Variants in NEBL observed in about 807,000 individuals in gnomAD.
The protein encoded by NEBL is LIM and SH3 protein 2.
A neutral mutation model predicts 140.2 loss-of-function variants in NEBL; 122 were observed. That is an observed-to-expected ratio of 0.87 (90% CI 0.75 to 1.01). The LOEUF is 1.01. NEBL is among the 50% of genes least tolerant of loss of function. The pLI, the probability that NEBL is intolerant of heterozygous loss-of-function variation, is 0.00. For missense variants in NEBL, 1,365 were observed against 1,231.3 expected (o/e 1.11, Z -1.62); for synonymous variants, 436 against 398.9 (o/e 1.09, Z -1.11).
At position 21,203,758 on chromosome 10, in the gene NEBL, G is replaced by A. The variant is rs143288454; in HGVS notation, n.349-31281C>T. Among the ~76,000 whole-genome samples, 699 of 152,208 alleles carry A rather than the reference G, an allele frequency of 4.6e-3. 4 individuals carry two copies. The highest frequency in any genetic ancestry group is 0.016 in the African/African-American group (648 of 41,530). On this transcript the variant is annotated intron_variant and non_coding_transcript_variant, in intron 3 of 8. Transcript: ENST00000675702. ...TTGTTCTTTTGGACTGCACAGTATC[G>A]AAAGCTCCTTCCTGCATTTGACGAC...
rs141585606 is a variant in NEBL, at chr10:21,070,224, G to C, written c.165-50023C>G. ...CTAGGATTGTTAATGCCCTTGAGTC[G>C]TCAGGACCTCAGTTTTGTGTCTGCT... On this transcript the variant is annotated intron_variant, in intron 2 of 6. Transcript: ENST00000417816. 2.0e-5 allele frequency among the ~76,000 whole-genome samples: 3 copies of C among 152,122 alleles called. No individual in the cohort carries two copies. In the East Asian group the frequency reaches 5.8e-4, roughly 29 times the overall value.
At chr10:20,867,323 CTTATT>C (rs1174387061) in intron 7 of NEBL, among the ~76,000 whole-genome samples, 1 of 152,056 alleles carries the variant, frequency 6.6e-6, no homozygotes, top group Non-Finnish European at 1.5e-5. Flanking sequence ...TTGTTCGGGA[CTTATT>C]TTATGCTCTT....
intron 3 of NEBL, among the ~76,000 whole-genome samples, chr10:21,186,257 AACACAC>A (rs765894739): frequency 0.021 from 2,644 of 124,804 alleles, 32 homozygotes; most frequent in African/African-American, 0.034. Flanking sequence ...TATATATACA[AACACAC>A]ACACACACAC....
At chr10:20,923,176 T>C (rs1833677133) in intron 4 of NEBL, among the ~76,000 whole-genome samples, 1 of 151,966 alleles carries the variant, frequency 6.6e-6, no homozygotes, top group African/African-American at 2.4e-5. Context: ...CAATCGATCC[T>C]CCAGCCTCAG....
chr10:20,837,452 C>T (rs1055924228), intron 13 of NEBL, among the ~76,000 whole-genome samples: 2 of 151,306 alleles, frequency 1.3e-5, no homozygotes, highest in African/African-American at 4.9e-5. Context: ...AGAAGCTGCA[C>T]AAGAAAAGTT....
At chr10:20,815,324 G>C (rs933471835) in intron 22 of NEBL, among the ~76,000 whole-genome samples, 1 of 152,098 alleles carries the variant, frequency 6.6e-6, no homozygotes, top group Non-Finnish European at 1.5e-5. Context: ...CACATCAAAG[G>C]CTTTACCACC....
At chr10:21,018,753 G>A (rs1034220688) in intron 3 of NEBL, among the ~76,000 whole-genome samples, 5 of 152,138 alleles carry the variant, frequency 3.3e-5, no homozygotes, top group African/African-American at 7.2e-5. Context: ...GCTTCAGGCC[G>A]GGCGCAGTGG....
At chr10:20,944,356 C>T (rs865776668) in intron 4 of NEBL, among the ~76,000 whole-genome samples, 2 of 152,024 alleles carry the variant, frequency 1.3e-5, no homozygotes, top group African/African-American at 2.4e-5. Flanking sequence ...GCCAAGATCA[C>T]GTGACTGCAC....
At chr10:20,968,591 T>C (rs924266934) in intron 3 of NEBL, among the ~76,000 whole-genome samples, 4 of 152,196 alleles carry the variant, frequency 2.6e-5, no homozygotes, top group Admixed American at 6.5e-5. Context: ...TGTATCACGA[T>C]AGACAAGTGC....
At chr10:21,221,831 C>G (rs1385063267) in intron 3 of NEBL, among the ~76,000 whole-genome samples, 1 of 152,032 alleles carries the variant, frequency 6.6e-6, no homozygotes, top group Non-Finnish European at 1.5e-5. Context: ...CAAGTTACAT[C>G]AGGGAAATTA....
intron 2 of NEBL, among the ~76,000 whole-genome samples, chr10:21,024,756 G>A (rs1589147225): frequency 2.6e-5 from 4 of 151,862 alleles, no homozygotes; most frequent in African/African-American, 9.7e-5. Context: ...AATCTAATCC[G>A]ACAACATTCT....
intron 27 of NEBL, 48 bp from the exon 28 acceptor site, chr10:20,785,971 G>C: frequency 1.9e-6 from 3 of 1,570,768 alleles, no homozygotes; most frequent in Non-Finnish European, 2.6e-6. Context: ...AATAGCTACA[G>C]CCACAAATTC....
chr10:21,001,193 C>G (rs10828171), intron 3 of NEBL, among the ~76,000 whole-genome samples: 8,471 of 152,162 alleles, frequency 0.056, 787 homozygotes, highest in East Asian at 0.41. Flanking sequence ...TCCAGCCAGC[C>G]GACAGACCGC....
chr10:20,973,083 AC>A (rs1206341673), intron 3 of NEBL, among the ~76,000 whole-genome samples: 2 of 152,176 alleles, frequency 1.3e-5, no homozygotes, highest in Non-Finnish European at 2.9e-5. Context: ...CACATTAATT[AC>A]AGTGTCAGTT....
intron 4 of NEBL, among the ~76,000 whole-genome samples, chr10:20,946,840 G>A (rs889326122): frequency 2.0e-5 from 3 of 152,192 alleles, no homozygotes; most frequent in Admixed American, 1.3e-4. Context: ...AATCCTGGCA[G>A]CATTTAACAA....
intron 4 of NEBL, among the ~76,000 whole-genome samples, chr10:20,884,087 A>G (rs1433682238): frequency 6.6e-6 from 1 of 152,204 alleles, no homozygotes; most frequent in African/African-American, 2.4e-5. Flanking sequence ...ACCTGGAGAC[A>G]GGAGTCCACT....
chr10:20,942,002 G>A (rs1340526973), intron 4 of NEBL, among the ~76,000 whole-genome samples: 1 of 152,114 alleles, frequency 6.6e-6, no homozygotes, highest in African/African-American at 2.4e-5. Context: ...TTGTGAAAAT[G>A]GCCACACTGC....
rs773297025 is a variant in NEBL, at chr10:20,897,215, T to C, written c.-10A>G. 6.4e-7 allele frequency: 1 copy of C among 1,551,782 alleles called. No individual in the cohort carries two copies. Among genetic ancestry groups the C allele is most frequent in the Non-Finnish European group, 8.7e-7 (1 of 1,147,112 alleles). On this transcript the variant is annotated 5_prime_UTR_variant, in exon 1 of 28. Coordinates refer to ENST00000377122, the MANE Select transcript of NEBL (RefSeq NM_006393.3). ...ATACAGGGACCCTCATTTTTACCCT[T>C]TAAAATATTTATATTTTTAAAATTT...
chr10:20,800,853 C>T (rs1464136957), intron 26 of NEBL, among the ~76,000 whole-genome samples: 3 of 152,220 alleles, frequency 2.0e-5, no homozygotes, highest in South Asian at 2.1e-4. Context: ...CTTAGAAAAG[C>T]TCCAGGAATG....
Sources: allele counts gnomAD v4.1 joint callset (sites outside exome capture counted in the v4.1 genomes callset), GRCh38; gene constraint gnomAD v4.1.1; transcripts MANE v1.5; gene names NCBI Gene and HGNC (gene_info 2026-07-23, HGNC 2026-07-21).